The following ZNF780B variants were observed in gnomAD, a reference collection of about 807,000 sequenced individuals.
ZNF780B encodes the protein zinc finger protein 779.
In ZNF780B, 52 loss-of-function variants were observed where a neutral mutation model predicts 74.1. That is an observed-to-expected ratio of 0.70 (90% CI 0.56 to 0.88). ZNF780B has a LOEUF of 0.88. Among genes scored for constraint, ZNF780B ranks in the 40% least tolerant of loss-of-function variants. The pLI, the probability that ZNF780B is intolerant of heterozygous loss-of-function variation, is 0.00. For missense variants in ZNF780B, 953 were observed against 1,007.6 expected (o/e 0.95, Z 0.73); for synonymous variants, 315 against 324.3 (o/e 0.97, Z 0.31).
intron 4 of ZNF780B, among the ~76,000 whole-genome samples, chr19:40,043,173 AC>A (rs1201273442): frequency 1.3e-5 from 2 of 152,080 alleles, no homozygotes; most frequent in African/African-American, 4.8e-5. Context: ...TCCACTCCAG[AC>A]CCTGTTTGCC....
intron 4 of ZNF780B, among the ~76,000 whole-genome samples, chr19:40,043,096 C>T (rs950736013): frequency 1.3e-5 from 2 of 152,142 alleles, no homozygotes; most frequent in African/African-American, 4.8e-5. Flanking sequence ...GATGTCCTTT[C>T]TGTTTGTTAG....
chr19:40,047,515 A>C, intron 3 of ZNF780B, 45 bp from the exon 4 acceptor site: 5 of 1,434,824 alleles, frequency 3.5e-6, no homozygotes, highest in Non-Finnish European at 4.7e-6. Context: ...TAATATAAAA[A>C]TTTTTTTTAA....
rs561322019 is a variant in ZNF780B at position 40,043,355 on chromosome 19, G to A, written c.232+4020C>T. Among the ~76,000 whole-genome samples, 3 of 152,350 alleles carry A rather than the reference G, an allele frequency of 2.0e-5. 1 individual carries two copies. The highest frequency in any genetic ancestry group is 2.0e-4 in the Admixed American group (3 of 15,306). On this transcript the variant is annotated intron_variant, in intron 4 of 4. Transcript: ENST00000434248. ...CTGGGGGTTGCCTCCCAGTTAGGCT[G>A]CTCGGGGGTCAGGGAAACACTTGAG... is the stretch of plus-strand genomic sequence containing the variant.
intron 4 of ZNF780B, among the ~76,000 whole-genome samples, chr19:40,044,118 A>AATACGGTG (rs1972815315): frequency 1.3e-5 from 2 of 152,232 alleles, no homozygotes; most frequent in Admixed American, 6.5e-5. Flanking sequence ...GAATGAATAA[A>AATACGGTG]GCCACCGTAA....
At chr19:40,040,504 C>A (rs572615988) in intron 4 of ZNF780B, among the ~76,000 whole-genome samples, 3 of 152,190 alleles carry the variant, frequency 2.0e-5, no homozygotes, top group African/African-American at 4.8e-5. Context: ...CCTCCTTTTA[C>A]CTCTGGTAGA....
rs200722341 is a variant in ZNF780B at position 40,048,772 on chromosome 19, C to A, written c.34G>T (p.Ala12Ser). ...CACTCCTCCTGAGAGAAGTCAATGG[C>A]CACATCCCTGAATGTCACTGATCCC... is the stretch of plus-strand genomic sequence containing the variant. ...VHGSVTFRDV[A>S]IDFSQEEWEC... Residue 12 changes from alanine to serine, a missense_variant, in exon 3 of 5, where the codon GCC (alanine) becomes TCC (serine). Coordinates refer to ENST00000434248, the MANE Select transcript of ZNF780B (RefSeq NM_001005851.3). The A allele has an allele frequency of 6.2e-7, 1 of 1,614,176 alleles. No homozygotes were observed. The highest frequency in any genetic ancestry group is 2.2e-5 in the East Asian group (1 of 44,890).
Position 40,050,333 on chromosome 19 carries a change from G to A in ZNF780B, c.-1C>T, listed in dbSNP as rs1197954209. The A allele has an allele frequency of 1.3e-6, 2 of 1,595,654 alleles. No homozygotes were observed. The highest frequency in any genetic ancestry group is 1.7e-6 in the Non-Finnish European group (2 of 1,177,378). ...AGAAACACCAACTTACATGGACCAT[G>A]TTTCTAGAATTACAAAATTGGTCAA... On this transcript the variant is annotated 5_prime_UTR_variant, in exon 2 of 5. Transcript: ENST00000434248.
chr19:40,037,070 G>T (rs572160793), intron 4 of ZNF780B, among the ~76,000 whole-genome samples: 2 of 151,910 alleles, frequency 1.3e-5, no homozygotes, highest in Non-Finnish European at 2.9e-5. Context: ...ATCTGCCACC[G>T]TGCCTGGCTA....
chr19:40,047,262 G>T, intron 4 of ZNF780B, 113 bp downstream of exon 4: 1 of 875,510 alleles, frequency 1.1e-6, no homozygotes, highest in Non-Finnish European at 1.9e-6. Flanking sequence ...GGGGGACCTT[G>T]GGTTATTGAA....
chr19:40,042,212 G>C (rs544972780), intron 4 of ZNF780B, among the ~76,000 whole-genome samples: 1 of 151,806 alleles, frequency 6.6e-6, no homozygotes, highest in Non-Finnish European at 1.5e-5. Context: ...ATTCTTTCAA[G>C]AATGTTGAAT....
At chr19:40,040,210 A>G (rs570886775) in intron 4 of ZNF780B, among the ~76,000 whole-genome samples, 3 of 152,236 alleles carry the variant, frequency 2.0e-5, no homozygotes, top group East Asian at 1.9e-4. Context: ...GCTGGATTAC[A>G]TTTATTGATT....
At position 40,035,911 on chromosome 19, in the gene ZNF780B, A is replaced by G. The variant is rs200075214; in HGVS notation, c.948T>C (p.Tyr316=). 284 of 1,613,400 alleles carry G rather than the reference A, an allele frequency of 1.8e-4. No individual in the cohort carries two copies. The African/African-American group carries it at 3.4e-3, about 19-fold the overall frequency. The change falls in exon 5 of 5, where the codon TAT becomes TAC. Residue 316 remains tyrosine (Y), a synonymous_variant. Coordinates refer to ENST00000434248, the MANE Select transcript of ZNF780B (RefSeq NM_001005851.3). ...VCRECEMAFR[Y]HYQLIEHCRI... ...GGCAATGTTCAATGAGTTGGTAATGATATCGAAAGGCCATCTCACATTCCC... is the reference window on the plus strand; with the variant it reads ...GGCAATGTTCAATGAGTTGGTAATGGTATCGAAAGGCCATCTCACATTCCC...
rs1447436694 is a variant in ZNF780B, at chr19:40,035,328, T to A, written c.1531A>T (p.Asn511Tyr). The change falls in exon 5 of 5, where the codon AAT (asparagine) becomes TAT (tyrosine). Residue 511 changes from asparagine (N) to tyrosine (Y), a missense_variant. Coordinates refer to ENST00000434248, the MANE Select transcript of ZNF780B (RefSeq NM_001005851.3). ...TGTTGAACAAGGTTCGAGCCACGAT[T>A]GAAGGCCTTCCCACAGTCTTTACAT... The part of the protein sequence containing the change: ...FECKDCGKAF[N>Y]RGSNLVQHQS... The A allele has an allele frequency of 3.1e-6, 5 of 1,614,138 alleles. No homozygotes were observed. Among genetic ancestry groups the A allele is most frequent in the African/African-American group, 1.3e-5 (1 of 75,028 alleles).
At position 40,034,941 on chromosome 19, in the gene ZNF780B, G is replaced by C; in HGVS notation, c.1918C>G (p.Pro640Ala). ...TTCCCACATTCTTTACATTTAAATG[G>C]CTTCTCACCTGTGTGAATGTTCTTA... is the stretch of plus-strand genomic sequence containing the variant. ...HHKNIHTGEK[P>A]FKCKECGKSF... The change falls in exon 5 of 5, where the codon CCA becomes GCA. Residue 640 changes from proline (P) to alanine (A), a missense_variant. By Grantham distance (27) the Pro-to-Ala change is conservative (BLOSUM62 -1). Transcript: ENST00000434248. 3.7e-6 allele frequency: 6 copies of C among 1,614,006 alleles called. No homozygotes were observed. The highest frequency in any genetic ancestry group is 5.1e-6 in the Non-Finnish European group (6 of 1,180,014).
At position 40,029,474 on chromosome 19, in the gene ZNF780B, T is replaced by G. The variant is rs973024857; in HGVS notation, c.*4883A>C. Reference sequence around the variant, plus strand: ...CTCAGCTATCACCATACATAAAACATAATTCAATAAAATACCAAATGCAAA... The same window carrying G: ...CTCAGCTATCACCATACATAAAACAGAATTCAATAAAATACCAAATGCAAA... On this transcript the variant is annotated 3_prime_UTR_variant, in exon 5 of 5. Coordinates refer to ENST00000434248, the MANE Select transcript of ZNF780B (RefSeq NM_001005851.3). 4.5e-5 allele frequency: 7 copies of G among 154,808 alleles called. No homozygotes were observed. The highest frequency in any genetic ancestry group is 5.1e-4 in the Middle Eastern group (1 of 1,946). The allele number at this position is 154,808 out of a possible 1,614,324, so 9.6% of individuals were successfully genotyped here.
intron 4 of ZNF780B, among the ~76,000 whole-genome samples, chr19:40,046,843 A>G (rs1480677804): frequency 1.3e-5 from 2 of 152,232 alleles, no homozygotes; most frequent in Non-Finnish European, 2.9e-5. Flanking sequence ...CACTCTATAC[A>G]TATTTACTGA....
At chr19:40,036,675 A>G (rs981228664) in intron 4 of ZNF780B, 49 bp from the exon 5 acceptor site, 2 of 1,160,910 alleles carry the variant, frequency 1.7e-6, no homozygotes, top group East Asian at 5.1e-5. Flanking sequence ...TATAACATAC[A>G]TGCATACAAA....
At chr19:40,043,843 C>G (rs1432425909) in intron 4 of ZNF780B, among the ~76,000 whole-genome samples, 5 of 152,230 alleles carry the variant, frequency 3.3e-5, no homozygotes, top group Admixed American at 3.3e-4. Context: ...CTCCCTGACC[C>G]CTTGCACTTC....
At chr19:40,042,618 T>C (rs929399351) in intron 4 of ZNF780B, among the ~76,000 whole-genome samples, 1 of 152,232 alleles carries the variant, frequency 6.6e-6, no homozygotes, top group Non-Finnish European at 1.5e-5. Context: ...TTCTTTTTTC[T>C]CTAAACTTCT....
Sources: gnomAD v4.1 joint callset for allele counts (sites outside exome capture counted in the v4.1 genomes callset) on GRCh38, gnomAD v4.1.1 for gene constraint, MANE v1.5 for transcripts, NCBI Gene and HGNC (gene_info 2026-07-23, HGNC 2026-07-21) for gene names.